The following PDHX variants were observed in gnomAD, a reference collection of about 807,000 sequenced individuals.
The protein encoded by PDHX is pyruvate dehydrogenase protein X component, mitochondrial.
In PDHX, 33 loss-of-function variants were observed where a neutral mutation model predicts 55.3. The observed-to-expected ratio is 0.60, with a 90% CI of 0.45 to 0.80. The LOEUF is 0.80. Among genes scored for constraint, PDHX ranks in the 30% least tolerant of loss-of-function variants. The probability of loss-of-function intolerance (pLI) is 0.00; values close to 1 mark genes in which losing one functional copy is unlikely to be tolerated. For missense variants in PDHX, 622 were observed against 619.9 expected (o/e 1.00, Z -0.04); for synonymous variants, 226 against 219.4 (o/e 1.03, Z -0.27).
rs1189522267 is a variant in PDHX, at chr11:34,995,800, CTG to C, written c.*631_*632del. The C allele has an allele frequency of 6.6e-6, 1 of 152,540 alleles. No individual in the cohort carries two copies. The highest frequency in any genetic ancestry group is 6.6e-5 in the Admixed American group (1 of 15,262). The allele number at this position is 152,540 out of a possible 1,614,324, so 9.4% of individuals were successfully genotyped here. The stretch of plus-strand genomic sequence containing the variant: ...TGTCTTGTTTTTCACTTATATAACA[CTG>C]TGAACTTCTAAAGCAAGAGGATAAA... On this transcript the variant is annotated 3_prime_UTR_variant, in exon 11 of 11. Coordinates refer to ENST00000227868, the MANE Select transcript of PDHX (RefSeq NM_003477.3).
At chr11:34,919,196 G>A (rs371999905) in intron 1 of PDHX, among the ~76,000 whole-genome samples, 18 of 152,154 alleles carry the variant, frequency 1.2e-4, no homozygotes, top group African/African-American at 3.9e-4. Context: ...AAATATATCC[G>A]CTTCTGACTT....
At chr11:34,983,420 C>T (rs553028427) in intron 8 of PDHX, among the ~76,000 whole-genome samples, 9 of 152,206 alleles carry the variant, frequency 5.9e-5, no homozygotes, top group African/African-American at 1.2e-4. Context: ...GAAGTTCTGG[C>T]GAGGGCAATC....
rs1135402725 is a variant in PDHX, at chr11:34,995,002, C to T, written c.1336C>T (p.Arg446Ter). 5 of 1,613,994 alleles carry T rather than the reference C, an allele frequency of 3.1e-6. No individual in the cohort carries two copies. The highest frequency in any genetic ancestry group is 1.1e-5 in the South Asian group (1 of 91,076). The change falls in exon 11 of 11, where the codon CGA becomes TGA. Residue 446 changes from arginine (R) to a stop codon, truncating the protein, a stop_gained. Coordinates refer to ENST00000227868, the MANE Select transcript of PDHX (RefSeq NM_003477.3). LOFTEE classifies it high-confidence loss of function. ...CTGCATTTTGGCGGTTGGGAGGTTC[C>T]GACCTGTGCTGAAGCTCACTGAGGA... ...QACILAVGRF[R>*]PVLKLTEDEE...
intron 2 of PDHX, among the ~76,000 whole-genome samples, chr11:34,933,298 A>G (rs764360803): frequency 1.3e-5 from 2 of 152,196 alleles, no homozygotes; most frequent in Non-Finnish European, 2.9e-5. Flanking sequence ...AACCATACAG[A>G]GAGGCACTAT....
At chr11:34,978,312 T>A (rs1292183484) in intron 8 of PDHX, 130 bp downstream of exon 8, 1 of 653,522 alleles carries the variant, frequency 1.5e-6, no homozygotes, top group Non-Finnish European at 2.8e-6. Flanking sequence ...AAATATCCTA[T>A]CGTTTGATCT....
intron 8 of PDHX, among the ~76,000 whole-genome samples, chr11:34,979,183 TC>T (rs1008107236): frequency 6.6e-6 from 1 of 152,178 alleles, no homozygotes; most frequent in Non-Finnish European, 1.5e-5. Flanking sequence ...GAATGAGTTT[TC>T]CATGTACTAA....
intron 9 of PDHX, among the ~76,000 whole-genome samples, chr11:34,989,488 C>A (rs1215757082): frequency 6.6e-6 from 1 of 152,160 alleles, no homozygotes; most frequent in African/African-American, 2.4e-5. Context: ...AGCAAGTAGG[C>A]AGTGGATAAG....
Position 34,970,301 on chromosome 11 carries a change from A to G in PDHX, c.964+15A>G. ...TCTGGTCAAAGGTTAGTAAAATTGA[A>G]TTTACTTAATACAAAACACATGCTA... On this transcript the variant is annotated intron_variant, in intron 7 of 10. Transcript: ENST00000227868. 1 of 1,597,302 alleles carries G rather than the reference A, an allele frequency of 6.3e-7. No individual in the cohort carries two copies. The highest frequency in any genetic ancestry group is 2.2e-5 in the East Asian group (1 of 44,728).
At chr11:34,972,395 ATTT>A (rs35664323) in intron 7 of PDHX, among the ~76,000 whole-genome samples, 1 of 145,852 alleles carries the variant, frequency 6.9e-6, no homozygotes. Flanking sequence ...ACAAATGTTG[ATTT>A]TTTTTTTTTT....
chr11:34,976,635 A>T (rs1855381177), intron 7 of PDHX, among the ~76,000 whole-genome samples: 1 of 152,172 alleles, frequency 6.6e-6, no homozygotes, highest in East Asian at 1.9e-4. Context: ...TTGAGAGGAA[A>T]GGAATAAAAA....
intron 1 of PDHX, among the ~76,000 whole-genome samples, chr11:34,930,003 A>G (rs568272556): frequency 1.3e-5 from 2 of 152,342 alleles, no homozygotes; most frequent in East Asian, 3.9e-4. Context: ...TCTGTTTTAG[A>G]GGGAGACTGT....
chr11:34,986,303 A>T (rs1300751385), intron 9 of PDHX, among the ~76,000 whole-genome samples: 4 of 85,892 alleles, frequency 4.7e-5, no homozygotes, highest in Admixed American at 1.2e-4. Flanking sequence ...AAGACACTGT[A>T]TCTCAAAAAA....
intron 2 of PDHX, among the ~76,000 whole-genome samples, chr11:34,937,143 A>G (rs1459866172): frequency 6.6e-6 from 1 of 152,174 alleles, no homozygotes; most frequent in Non-Finnish European, 1.5e-5. Context: ...TGAAAGGAAC[A>G]GACCCTAAGA....
At chr11:34,984,122 G>T (rs983445107) in intron 8 of PDHX, among the ~76,000 whole-genome samples, 1 of 152,144 alleles carries the variant, frequency 6.6e-6, no homozygotes, top group Non-Finnish European at 1.5e-5. Context: ...GGGATGTCAT[G>T]TATTGAGGGC....
chr11:34,981,113 A>C (rs1304660074), intron 8 of PDHX, among the ~76,000 whole-genome samples: 1 of 151,998 alleles, frequency 6.6e-6, no homozygotes, highest in Admixed American at 6.6e-5. Context: ...CAAGTCATTT[A>C]ACATTAGGTA....
intron 5 of PDHX, among the ~76,000 whole-genome samples, chr11:34,962,126 A>T (rs1442260288): frequency 6.6e-6 from 1 of 152,202 alleles, no homozygotes; most frequent in African/African-American, 2.4e-5. Context: ...ATCTTTGAGG[A>T]TTTGGTGAAA....
In PDHX at chr11:34,931,313, T is replaced by G. The variant is rs572584718; in HGVS notation, c.161-91T>G. 1.6e-5 allele frequency: 12 copies of G among 751,532 alleles called. No individual in the cohort carries two copies. In the East Asian group the frequency reaches 2.9e-4, roughly 18 times the overall value. 46.6% of individuals were successfully genotyped at this position (751,532 alleles called of 1,614,324 possible). A position where few individuals can be genotyped will look rare whatever the true frequency, so the allele number is the denominator to read the frequency against. On this transcript the variant is annotated intron_variant, in intron 1 of 10. Transcript: ENST00000227868. ...CTTTGGAATACCTTCTTTTTCAAAT[T>G]GAATTTGACGTTAATTTACTTGAAC... is the stretch of plus-strand genomic sequence containing the variant.
chr11:34,992,198 CAAAAT>C (rs1855770811), intron 9 of PDHX, 112 bp from the exon 10 acceptor site: 1 of 640,404 alleles, frequency 1.6e-6, no homozygotes, highest in Non-Finnish European at 2.8e-6. Context: ...ATATAGGTAA[CAAAAT>C]CAAATCAAGG....
intron 8 of PDHX, among the ~76,000 whole-genome samples, chr11:34,979,831 A>G (rs1007396033): frequency 1.3e-5 from 2 of 152,118 alleles, no homozygotes; most frequent in Non-Finnish European, 2.9e-5. Flanking sequence ...TTGTGCCAAC[A>G]TTATCAGACC....
Sources: gnomAD v4.1 joint callset for allele counts (sites outside exome capture counted in the v4.1 genomes callset) on GRCh38, gnomAD v4.1.1 for gene constraint, MANE v1.5 for transcripts, NCBI Gene and HGNC (gene_info 2026-07-23, HGNC 2026-07-21) for gene names.